STUM: variants seen among roughly 807,000 people sequenced by gnomAD.
STUM encodes the protein stum, mechanosensory transduction mediator homolog.
STUM carries 8 observed loss-of-function variants against 15.3 expected under a neutral mutation model. That is an observed-to-expected ratio of 0.52 (90% CI 0.31 to 0.94). The LOEUF (loss-of-function observed/expected upper bound fraction) is 0.94, where lower values mean the gene tolerates loss of function less well. STUM is among the 40% of genes least tolerant of loss of function. The pLI is 0.05. For synonymous variants in STUM, 78 were observed against 88.7 expected (o/e 0.88, Z 0.68); for missense variants, 142 against 204.9 (o/e 0.69, Z 1.87).
chr1:226,597,826 C>A (rs1668207105), intron 2 of STUM, among the ~76,000 whole-genome samples: 1 of 152,190 alleles, frequency 6.6e-6, no homozygotes, highest in Non-Finnish European at 1.5e-5. Flanking sequence ...CAGCAGAGAT[C>A]ACAGGAGGAA....
At position 226,557,278 on chromosome 1, in the gene STUM, C is replaced by G. The variant is rs1023188138; in HGVS notation, c.202+8172C>G. On this transcript the variant is annotated intron_variant, in intron 1 of 3. Transcript: ENST00000366788. ...CACTTAGCAATAATGTTTTTCAGTT[C>G]CATTCATGTTGTTGCAAATGATAGA... Among the ~76,000 whole-genome samples, 4 of 152,186 alleles carry G rather than the reference C, an allele frequency of 2.6e-5. No individual in the cohort carries two copies. In the South Asian group the frequency reaches 8.3e-4, roughly 32 times the overall value.
At chr1:226,586,864 C>T (rs1345796634) in intron 1 of STUM, among the ~76,000 whole-genome samples, 1 of 152,182 alleles carries the variant, frequency 6.6e-6, no homozygotes, top group Non-Finnish European at 1.5e-5. Context: ...CGAGGCTAAG[C>T]CCTCAAGGGC....
intron 1 of STUM, among the ~76,000 whole-genome samples, chr1:226,558,162 G>T (rs757566060): frequency 6.6e-6 from 1 of 152,140 alleles, no homozygotes; most frequent in Non-Finnish European, 1.5e-5. Flanking sequence ...GAAAGAAAAG[G>T]CATCCAAATA....
intron 1 of STUM, among the ~76,000 whole-genome samples, chr1:226,573,455 G>A (rs571939205): frequency 9.2e-5 from 14 of 152,278 alleles, no homozygotes; most frequent in East Asian, 5.8e-4. Flanking sequence ...GTGGATTTCA[G>A]GCCTTGCTGG....
intron 1 of STUM, among the ~76,000 whole-genome samples, chr1:226,571,796 C>A (rs1441872849): frequency 6.6e-6 from 1 of 152,184 alleles, no homozygotes. Flanking sequence ...TGCACCACCA[C>A]CCTCAGCTAA....
Position 226,596,761 on chromosome 1 carries a change from C to G in STUM, c.203-41C>G, listed in dbSNP as rs561555576. 4 of 1,579,732 alleles carry G rather than the reference C, an allele frequency of 2.5e-6. No individual in the cohort carries two copies. In the Admixed American group the frequency reaches 5.1e-5, roughly 20 times the overall value. On this transcript the variant is annotated intron_variant, in intron 1 of 3. Transcript: ENST00000366788. ...AATGAGCACACAGACCCCTTTGTCT[C>G]CCAGTGCCCTCAGAAGGCTGTCCCC...
chr1:226,549,182 C>T lies in STUM; in HGVS notation c.202+76C>T. ...GCGTGGGGGGAGAGAAGGGCGCGGC[C>T]GGAGACCTCCTGGCGGGGCCGCGCG... On this transcript the variant is annotated intron_variant, in intron 1 of 3. Coordinates refer to ENST00000366788, the MANE Select transcript of STUM (RefSeq NM_001003665.4). The surrounding 1 kb of genome is among the most constrained non-coding windows in gnomAD (Gnocchi z 6.8). 1 of 1,306,582 alleles carries T rather than the reference C, an allele frequency of 7.7e-7. No homozygotes were observed. The highest frequency in any genetic ancestry group is 1.1e-6 in the Non-Finnish European group (1 of 952,198). 80.9% of individuals were successfully genotyped at this position (1,306,582 alleles called of 1,614,324 possible). A position where few individuals can be genotyped will look rare whatever the true frequency, so the allele number is the denominator to read the frequency against.
At chr1:226,561,399 G>A (rs923596746) in intron 1 of STUM, among the ~76,000 whole-genome samples, 4 of 152,106 alleles carry the variant, frequency 2.6e-5, no homozygotes, top group African/African-American at 9.7e-5. Flanking sequence ...TCACTTCTTG[G>A]CCTTCCTAGC....
intron 1 of STUM, among the ~76,000 whole-genome samples, chr1:226,585,385 T>C (rs768978446): frequency 2.0e-5 from 3 of 152,224 alleles, no homozygotes; most frequent in Non-Finnish European, 4.4e-5. Flanking sequence ...TAGGCCTTAT[T>C]GGTTTCATGC....
At position 226,600,593 on chromosome 1, in the gene STUM, G is replaced by C; in HGVS notation, c.383-73G>C. On this transcript the variant is annotated intron_variant, in intron 2 of 3. Transcript: ENST00000366788. This position sits in a 1 kb window ranked among gnomAD's most constrained non-coding sequence, Gnocchi z 5.2. ...TGTGCCAAGCGTTCCCTGTGGCTCT[G>C]TTTTCAGGCTGTGTTTTCTCTTCTT... 6.3e-7 allele frequency: 1 copy of C among 1,581,104 alleles called. No homozygotes were observed. The highest frequency in any genetic ancestry group is 8.6e-7 in the Non-Finnish European group (1 of 1,156,964).
At chr1:226,551,339 G>T (rs1667373500) in intron 1 of STUM, among the ~76,000 whole-genome samples, 1 of 152,210 alleles carries the variant, frequency 6.6e-6, no homozygotes, top group Admixed American at 6.5e-5. Flanking sequence ...TCTCTGGGTG[G>T]GGGTCGCTGC....
intron 2 of STUM, among the ~76,000 whole-genome samples, chr1:226,597,239 A>G (rs1668198072): frequency 6.6e-6 from 1 of 152,250 alleles, no homozygotes; most frequent in Non-Finnish European, 1.5e-5. Flanking sequence ...AACTTGATTC[A>G]GACACAGAAT....
intron 1 of STUM, among the ~76,000 whole-genome samples, chr1:226,554,783 A>G (rs183880541): frequency 6.6e-6 from 1 of 152,242 alleles, no homozygotes; most frequent in East Asian, 1.9e-4. Flanking sequence ...CTCCTGATCC[A>G]TTATCCCCTC....
At position 226,600,218 on chromosome 1, in the gene STUM, G is replaced by A. The variant is rs1347701226; in HGVS notation, c.383-448G>A. Among the ~76,000 whole-genome samples the A allele has an allele frequency of 6.6e-6, 1 of 152,200 alleles. No individual in the cohort carries two copies. The highest frequency in any genetic ancestry group is 2.4e-5 in the African/African-American group (1 of 41,464). On this transcript the variant is annotated intron_variant, in intron 2 of 3. Coordinates refer to ENST00000366788, the MANE Select transcript of STUM (RefSeq NM_001003665.4). This position sits in a 1 kb window ranked among gnomAD's most constrained non-coding sequence, Gnocchi z 5.2. ...GGAGACTGAGGCAGGAGGATCACTT[G>A]AGACCAGGAGTTTGAGGCTGCAGTG...
intron 1 of STUM, among the ~76,000 whole-genome samples, chr1:226,578,252 A>T (rs1292164767): frequency 2.0e-5 from 3 of 151,864 alleles, no homozygotes; most frequent in African/African-American, 7.3e-5. Context: ...AAATGTTTTT[A>T]AAAAACTGAG....
chr1:226,555,553 C>G (rs1185042788), intron 1 of STUM, among the ~76,000 whole-genome samples: 1 of 152,254 alleles, frequency 6.6e-6, no homozygotes, highest in Non-Finnish European at 1.5e-5. Flanking sequence ...TCCTCTTGGT[C>G]TGCTTTCCAA....
At chr1:226,581,613 T>C (rs896876554) in intron 1 of STUM, among the ~76,000 whole-genome samples, 3 of 152,182 alleles carry the variant, frequency 2.0e-5, no homozygotes, top group Admixed American at 2.0e-4. Flanking sequence ...TCTCACTCTG[T>C]TGCCCAGGCT....
intron 1 of STUM, among the ~76,000 whole-genome samples, chr1:226,564,204 G>A (rs895061044): frequency 8.5e-5 from 13 of 152,340 alleles, no homozygotes; most frequent in Admixed American, 5.9e-4. Flanking sequence ...TCCCTTCTGA[G>A]CCCAATACAT....
At chr1:226,592,948 G>A (rs1668112820) in intron 1 of STUM, among the ~76,000 whole-genome samples, 1 of 152,216 alleles carries the variant, frequency 6.6e-6, no homozygotes, top group Non-Finnish European at 1.5e-5. Flanking sequence ...CACTTTGGGA[G>A]GCCAAGGTGA....
Sources: allele counts gnomAD v4.1 joint callset (sites outside exome capture counted in the v4.1 genomes callset), GRCh38; gene constraint gnomAD v4.1.1; non-coding constraint Gnocchi (gnomAD v3.1); transcripts MANE v1.5; gene names NCBI Gene and HGNC (gene_info 2026-07-23, HGNC 2026-07-21).